The following DNM1 variants were observed in gnomAD, a reference collection of about 807,000 sequenced individuals.
The protein encoded by DNM1 is dynamin 1.
DNM1 carries 29 observed loss-of-function variants against 104.6 expected under a neutral mutation model. The ratio of observed to expected loss-of-function variants is 0.28; its 90% CI spans 0.21 to 0.38. The LOEUF is 0.38. Among genes scored for constraint, DNM1 ranks in the 10% least tolerant of loss-of-function variants. The pLI, the probability that DNM1 is intolerant of heterozygous loss-of-function variation, is 1.00. For missense variants in DNM1, 640 were observed against 1,189.4 expected (o/e 0.54, Z 6.79); for synonymous variants, 445 against 475.8 (o/e 0.94, Z 0.84).
intron 6 of DNM1, among the ~76,000 whole-genome samples, chr9:128,221,552 G>C (rs1193167866): frequency 6.6e-6 from 1 of 152,156 alleles, no homozygotes; most frequent in Non-Finnish European, 1.5e-5. Context: ...TAAACCCAGA[G>C]GGTCCAAGGG....
At chr9:128,239,873 C>G in intron 13 of DNM1, 94 bp downstream of exon 13, 2 of 1,563,074 alleles carry the variant, frequency 1.3e-6, no homozygotes, top group Non-Finnish European at 1.8e-6. Flanking sequence ...AAGGGTCCCA[C>G]GGGGGCCAGG....
chr9:128,213,333 C>T (rs550980244), intron 1 of DNM1, among the ~76,000 whole-genome samples: 8 of 152,284 alleles, frequency 5.3e-5, no homozygotes, highest in African/African-American at 1.7e-4. Context: ...CCACCCACCT[C>T]GGCCTCCCAA....
intron 11 of DNM1, 130 bp from the exon 12 acceptor site, chr9:128,239,315 G>T (rs1240162511): frequency 7.1e-6 from 5 of 707,726 alleles, no homozygotes; most frequent in Non-Finnish European, 1.3e-5. Context: ...TTCACTGATG[G>T]TAGGGACTAT....
intron 10 of DNM1, among the ~76,000 whole-genome samples, chr9:128,233,132 AG>A (rs1379009826): frequency 6.6e-6 from 1 of 152,216 alleles, no homozygotes; most frequent in Non-Finnish European, 1.5e-5. Flanking sequence ...TCGCAGGCAG[AG>A]GGGGACGGGT....
chr9:128,226,589 T>A (rs73672473), intron 10 of DNM1, among the ~76,000 whole-genome samples: 1,593 of 152,250 alleles, frequency 0.01, 27 homozygotes, highest in African/African-American at 0.036. Flanking sequence ...CAGAGTGTGA[T>A]TCAGTTTTAG....
chr9:128,216,777 C>T (rs746299647), intron 1 of DNM1, among the ~76,000 whole-genome samples: 2 of 152,228 alleles, frequency 1.3e-5, no homozygotes, highest in Non-Finnish European at 2.9e-5. Context: ...GGGTCAGGCT[C>T]TGGGCTGGGA....
intron 11 of DNM1, among the ~76,000 whole-genome samples, chr9:128,236,517 C>T (rs1473095868): frequency 6.6e-6 from 1 of 152,198 alleles, no homozygotes; most frequent in African/African-American, 2.4e-5. Flanking sequence ...CCTCCATTCA[C>T]TCTTCCCCAC....
At chr9:128,204,319 G>T (rs1296308798) in intron 1 of DNM1, 1 of 152,388 alleles carries the variant, frequency 6.6e-6, no homozygotes, top group South Asian at 2.1e-4. Context: ...GCTTCGCCAC[G>T]GCCCCTGGGT....
At chr9:128,207,608 G>A (rs1437111362) in intron 1 of DNM1, among the ~76,000 whole-genome samples, 4 of 152,034 alleles carry the variant, frequency 2.6e-5, no homozygotes, top group East Asian at 1.9e-4. Flanking sequence ...CAGACCTGCC[G>A]AGTATGAAGC....
rs574129030 is a variant in DNM1, at chr9:128,220,592, T to C, written c.849+251T>C. 2.8e-3 allele frequency among the ~76,000 whole-genome samples: 430 copies of C among 152,242 alleles called. 2 individuals are homozygous for C. The highest frequency in any genetic ancestry group is 0.01 in the African/African-American group (417 of 41,570). On this transcript the variant is annotated intron_variant, in intron 6 of 21. Coordinates refer to ENST00000372923, the MANE Select transcript of DNM1 (RefSeq NM_004408.4). The surrounding 1 kb of genome is among the most constrained non-coding windows in gnomAD (Gnocchi z 5.2). ...CCAACACAGAGAAGGCCAAGACCTA[T>C]GTGGAGGGTGTCATGGGGAAGAGCT... is the stretch of plus-strand genomic sequence containing the variant.
At chr9:128,238,741 C>T (rs545356206) in intron 11 of DNM1, among the ~76,000 whole-genome samples, 42 of 151,228 alleles carry the variant, frequency 2.8e-4, no homozygotes, top group Non-Finnish European at 4.0e-4. Flanking sequence ...CTGCAAGCTC[C>T]GCCTCCTGGG....
chr9:128,253,039 AC>A lies in DNM1; in HGVS notation c.2535-1610del. On this transcript the variant is annotated intron_variant, in intron 21 of 21. Coordinates refer to ENST00000372923, the MANE Select transcript of DNM1 (RefSeq NM_004408.4). The surrounding 1 kb of genome is among the most constrained non-coding windows in gnomAD (Gnocchi z 5.9). ...GGGCGTGTGCGTGTGTGTGTCCCCC[AC>A]CCCCAGGCCGGCCCCACCCGTGCGT... is the stretch of plus-strand genomic sequence containing the variant. The A allele has an allele frequency of 6.4e-7, 1 of 1,552,220 alleles. No homozygotes were observed.
chr9:128,206,591 G>A (rs1220673290), intron 1 of DNM1, among the ~76,000 whole-genome samples: 2 of 152,148 alleles, frequency 1.3e-5, no homozygotes, highest in African/African-American at 2.4e-5. Context: ...GGTGGCATCT[G>A]AGATGAGAAC....
Position 128,254,572 on chromosome 9 carries a change from C to A in DNM1, c.2535-82C>A. The A allele has an allele frequency of 2.5e-6, 4 of 1,588,802 alleles. No individual in the cohort carries two copies. Among genetic ancestry groups the A allele is most frequent in the Non-Finnish European group, 2.6e-6 (3 of 1,174,368 alleles). On this transcript the variant is annotated intron_variant, in intron 21 of 21. Coordinates refer to ENST00000372923, the MANE Select transcript of DNM1 (RefSeq NM_004408.4). This position sits in a 1 kb window ranked among gnomAD's most constrained non-coding sequence, Gnocchi z 6.1. The stretch of plus-strand genomic sequence containing the variant: ...ACCACTGCTGCGGCGCGGCCGGCCC[C>A]GGCCGTGTGCTGCGCTTGCCTTACC...
chr9:128,212,536 A>G lies in DNM1; in HGVS notation c.162-5695A>G, dbSNP rs112331178. ...AAAGAAGGAGGGAAACAGAAAGAGGATCCAGATGTAGCTGCATAGTGAATA... is the reference window on the plus strand; with the variant it reads ...AAAGAAGGAGGGAAACAGAAAGAGGGTCCAGATGTAGCTGCATAGTGAATA... On this transcript the variant is annotated intron_variant, in intron 1 of 21. Coordinates refer to ENST00000372923, the MANE Select transcript of DNM1 (RefSeq NM_004408.4). 1.8e-3 allele frequency among the ~76,000 whole-genome samples: 272 copies of G among 152,326 alleles called. 1 individual carries two copies. The highest frequency in any genetic ancestry group is 6.3e-3 in the African/African-American group (261 of 41,574).
intron 10 of DNM1, among the ~76,000 whole-genome samples, chr9:128,227,734 G>T (rs77989565): frequency 6.6e-6 from 1 of 151,884 alleles, no homozygotes; most frequent in African/African-American, 2.4e-5. Flanking sequence ...AATGTGGCAT[G>T]ATTTATATGT....
At chr9:128,249,316 C>T (rs1357072385) in intron 19 of DNM1, among the ~76,000 whole-genome samples, 1 of 151,998 alleles carries the variant, frequency 6.6e-6, no homozygotes, top group Admixed American at 6.6e-5. Context: ...TCAAGACCAG[C>T]TTGGGCAACA....
chr9:128,247,258 AC>A lies in DNM1; in HGVS notation c.1782-116del. The A allele has an allele frequency of 1.6e-6, 1 of 635,830 alleles. No homozygotes were observed. The allele number at this position is 635,830 out of a possible 1,614,324, so 39.4% of individuals were successfully genotyped here. A position where few individuals can be genotyped will look rare whatever the true frequency, so the allele number is the denominator to read the frequency against. The stretch of plus-strand genomic sequence containing the variant: ...GAGGAAGGGACTTGCACAGGGTCAC[AC>A]AGCTGGGAAATGAGCTGGCCTCAGG... On this transcript the variant is annotated intron_variant, in intron 16 of 21. Coordinates refer to ENST00000372923, the MANE Select transcript of DNM1 (RefSeq NM_004408.4). The surrounding 1 kb of genome is among the most constrained non-coding windows in gnomAD (Gnocchi z 5.1).
intron 19 of DNM1, among the ~76,000 whole-genome samples, chr9:128,249,148 C>T (rs1829350548): frequency 1.4e-5 from 2 of 148,100 alleles, no homozygotes; most frequent in African/African-American, 5.0e-5. Flanking sequence ...AACCGAGATC[C>T]TGCCACTGCA....
Sources: allele counts gnomAD v4.1 joint callset (sites outside exome capture counted in the v4.1 genomes callset), GRCh38; gene constraint gnomAD v4.1.1; non-coding constraint Gnocchi (gnomAD v3.1); transcripts MANE v1.5; gene names NCBI Gene and HGNC (gene_info 2026-07-23, HGNC 2026-07-21).